ABL1: variants seen among roughly 807,000 people sequenced by gnomAD.
ABL1 encodes the protein ABL proto-oncogene 1, non-receptor tyrosine kinase.
ABL1 carries 11 observed loss-of-function variants against 94.7 expected under a neutral mutation model. The ratio of observed to expected loss-of-function variants is 0.12; its 90% CI spans 0.07 to 0.19. The LOEUF is 0.19. Among genes scored for constraint, ABL1 ranks in the 10% least tolerant of loss-of-function variants. The pLI, the probability that ABL1 is intolerant of heterozygous loss-of-function variation, is 1.00. For synonymous variants in ABL1, 656 were observed against 622.4 expected (o/e 1.05, Z -0.80); for missense variants, 1,082 against 1,489.4 (o/e 0.73, Z 4.50).
rs2132956216 is a variant in ABL1 at position 130,854,117 on chromosome 9, G to A, written c.133G>A (p.Ala45Thr). ...CTTTGAGCCTCAGGGTCTGAGTGAA[G>A]CCGCTCGTTGGAACTCCAAGGAAAA... ...SDFEPQGLSEAARWNSKENLL... is the reference protein window; with the variant it reads ...SDFEPQGLSETARWNSKENLL... The change falls in exon 2 of 11, where the codon GCC becomes ACC. Residue 45 changes from alanine to threonine, a missense_variant. Transcript: ENST00000318560. 2 of 1,614,140 alleles carry A rather than the reference G, an allele frequency of 1.2e-6. No individual in the cohort carries two copies. Among genetic ancestry groups the A allele is most frequent in the South Asian group, 2.2e-5 (2 of 91,078 alleles).
chr9:130,757,431 G>A (rs115642054), intron 1 of ABL1, among the ~76,000 whole-genome samples: 2,120 of 151,830 alleles, frequency 0.014, 54 homozygotes, highest in African/African-American at 0.048. Context: ...GCATGGTAGC[G>A]CATGCTTGTA....
At chr9:130,725,690 T>C (rs1831572027) in intron 1 of ABL1, among the ~76,000 whole-genome samples, 1 of 151,806 alleles carries the variant, frequency 6.6e-6, no homozygotes. Context: ...TCACTTAGCA[T>C]GTTTTAAAGG....
At chr9:130,858,968 T>C (rs572337567) in intron 3 of ABL1, among the ~76,000 whole-genome samples, 1 of 152,156 alleles carries the variant, frequency 6.6e-6, no homozygotes, top group Non-Finnish European at 1.5e-5. Flanking sequence ...CTGGGAGTTA[T>C]GAGCTGGACT....
intron 1 of ABL1, among the ~76,000 whole-genome samples, chr9:130,738,945 C>T (rs1035761333): frequency 3.3e-5 from 5 of 152,076 alleles, no homozygotes; most frequent in South Asian, 4.1e-4. Context: ...TGCAGTGGTG[C>T]GATCTCGATT....
At chr9:130,749,390 T>C (rs1434616585) in intron 1 of ABL1, among the ~76,000 whole-genome samples, 2 of 152,256 alleles carry the variant, frequency 1.3e-5, no homozygotes, top group Admixed American at 6.5e-5. Context: ...AAGCCCGTTA[T>C]TTAACCTAAA....
At chr9:130,828,682 G>C (rs1393805184) in intron 1 of ABL1, among the ~76,000 whole-genome samples, 2 of 152,094 alleles carry the variant, frequency 1.3e-5, no homozygotes, top group East Asian at 3.9e-4. Context: ...ACTCCTGCCT[G>C]GGCAAGCAAC....
chr9:130,759,260 T>G (rs976930543), intron 1 of ABL1, among the ~76,000 whole-genome samples: 1 of 152,202 alleles, frequency 6.6e-6, no homozygotes, highest in African/African-American at 2.4e-5. Context: ...GAGGATCAGC[T>G]TCTGTGATTG....
intron 6 of ABL1, among the ~76,000 whole-genome samples, chr9:130,874,290 G>A (rs1831305054): frequency 1.3e-5 from 2 of 152,160 alleles, no homozygotes; most frequent in African/African-American, 4.8e-5. Context: ...GAGTTTTTTA[G>A]GATACATTTG....
At chr9:130,831,868 A>G (rs755992944), upstream of ABL1, among the ~76,000 whole-genome samples, 1 of 152,114 alleles carries the variant, frequency 6.6e-6, no homozygotes, top group East Asian at 1.9e-4. Context: ...TTAGCCTCCC[A>G]AAGTGCTGGG....
intron 1 of ABL1, among the ~76,000 whole-genome samples, chr9:130,777,296 A>G (rs1182610787): frequency 6.6e-6 from 1 of 152,222 alleles, no homozygotes; most frequent in African/African-American, 2.4e-5. Flanking sequence ...TGGGAGTCCT[A>G]TATATGTGGA....
At chr9:130,846,081 C>CTG (rs10554440) in intron 1 of ABL1, among the ~76,000 whole-genome samples, 25,749 of 148,032 alleles carry the variant, frequency 0.17, 2,507 homozygotes, top group Non-Finnish European at 0.23. Context: ...AAACGTATGT[C>CTG]TGTGTGTGTG....
intron 1 of ABL1, among the ~76,000 whole-genome samples, chr9:130,720,884 C>T (rs1265847078): frequency 2.0e-5 from 3 of 151,736 alleles, no homozygotes; most frequent in Admixed American, 6.6e-5. Flanking sequence ...CTCAGGTTTT[C>T]GAACTGAATA....
At position 130,798,001 on chromosome 9, in the gene ABL1, C is replaced by T. The variant is rs1372995688; in HGVS notation, c.137-56063C>T. Among the ~76,000 whole-genome samples the T allele has an allele frequency of 2.6e-5, 4 of 152,170 alleles. No homozygotes were observed. In the East Asian group the frequency reaches 7.7e-4, roughly 29 times the overall value. Reference sequence around the variant, plus strand: ...CCTTGATTTAATTTCTTCAGCAGGTCAGAATTGATACAGCTTCCAGAAGAA... The same window carrying T: ...CCTTGATTTAATTTCTTCAGCAGGTTAGAATTGATACAGCTTCCAGAAGAA... On this transcript the variant is annotated intron_variant, in intron 1 of 10. Coordinates refer to the ABL1 transcript ENST00000372348.
intron 1 of ABL1, among the ~76,000 whole-genome samples, chr9:130,729,456 C>T (rs1831633714): frequency 6.6e-6 from 1 of 152,170 alleles, no homozygotes; most frequent in Admixed American, 6.5e-5. Flanking sequence ...CAAGTCTTTG[C>T]TTCCTCAGTT....
intron 1 of ABL1, among the ~76,000 whole-genome samples, chr9:130,777,538 ACGC>A (rs1333161087): frequency 3.5e-5 from 5 of 143,148 alleles, no homozygotes; most frequent in Admixed American, 6.9e-5. Context: ...TTGTGTTGGG[ACGC>A]TGACACACTG....
chr9:130,809,911 T>G (rs1830184582), intron 1 of ABL1, among the ~76,000 whole-genome samples: 1 of 152,238 alleles, frequency 6.6e-6, no homozygotes, highest in East Asian at 1.9e-4. Context: ...TATTCTGGTC[T>G]TGCTTAGCAA....
chr9:130,817,683 ATTAAAT>A (rs1830307033), intron 1 of ABL1, among the ~76,000 whole-genome samples: 1 of 152,220 alleles, frequency 6.6e-6, no homozygotes, highest in Non-Finnish European at 1.5e-5. Flanking sequence ...TGCTGAGGAA[ATTAAAT>A]TTATGTTCAA....
At position 130,884,276 on chromosome 9, in the gene ABL1, C is replaced by T. The variant is rs745952533; in HGVS notation, c.1986C>T (p.Pro662=). ...DTADPAKSPK[P]SNGAGVPNGA... ...CTGACCCAGCCAAGTCCCCAAAGCC[C>T]AGCAATGGGGCTGGGGTCCCCAATG... Residue 662 remains proline, a synonymous_variant, in exon 11 of 11, where the codon CCC becomes CCT. Coordinates refer to ENST00000318560, the MANE Select transcript of ABL1 (RefSeq NM_005157.6). The surrounding 1 kb of genome is among the most constrained non-coding windows in gnomAD (Gnocchi z 5.6). The T allele has an allele frequency of 1.2e-5, 20 of 1,600,544 alleles. No individual in the cohort carries two copies. The South Asian group carries it at 2.1e-4, about 17-fold the overall frequency.
rs1453982773 is a variant in ABL1, at chr9:130,884,862, G to C, written c.2572G>C (p.Gly858Arg). The part of the protein sequence containing the change: ...AEPVTPTSKA[G>R]SGAPGGTSKG... ...GCCAGTGACCCCCACCAGCAAAGCA[G>C]GCTCAGGTGCACCAGGGGGCACCAG... The change falls in exon 11 of 11, where the codon GGC (glycine) becomes CGC (arginine). Residue 858 changes from glycine (G) to arginine (R), a missense_variant. Physicochemically the swap from Gly to Arg is moderately radical, Grantham distance 125. Around this residue, in one of 7 missense-constraint regions of ABL1, gnomAD observed 780 missense variants for 835.8 expected, o/e 0.93. Coordinates refer to ENST00000318560, the MANE Select transcript of ABL1 (RefSeq NM_005157.6). The surrounding 1 kb of genome is among the most constrained non-coding windows in gnomAD (Gnocchi z 5.6). The C allele has an allele frequency of 6.2e-7, 1 of 1,607,012 alleles. No individual in the cohort carries two copies. Among genetic ancestry groups the C allele is most frequent in the South Asian group, 1.1e-5 (1 of 90,542 alleles).
Sources: allele counts gnomAD v4.1 joint callset (sites outside exome capture counted in the v4.1 genomes callset), GRCh38; gene constraint gnomAD v4.1.1; regional missense constraint gnomAD v4.1.1; non-coding constraint Gnocchi (gnomAD v3.1); transcripts MANE v1.5; gene names NCBI Gene and HGNC (gene_info 2026-07-23, HGNC 2026-07-21).